Variants in HPSE2 observed in about 807,000 individuals in gnomAD.
HPSE2 encodes heparanase 2 (inactive).
HPSE2 carries 38 observed loss-of-function variants against 60.5 expected under a neutral mutation model. That is an observed-to-expected ratio of 0.63 (90% confidence interval 0.48 to 0.82). The LOEUF (loss-of-function observed/expected upper bound fraction) is 0.82. Among genes scored for constraint, HPSE2 ranks in the 40% least tolerant of loss-of-function variants. HPSE2 has a pLI of 0.00. For missense variants in HPSE2, 713 were observed against 740.4 expected, an observed-to-expected ratio of 0.96 and a Z score of 0.43; for synonymous variants, 295 against 293.2, an observed-to-expected ratio of 1.01 and a Z score of -0.06.
At position 98,459,926 on chromosome 10, in the gene HPSE2, AC is replaced by A. The variant is rs34700526; in HGVS notation, c.1614-188del. On this transcript the variant is annotated intron_variant, in intron 11 of 11. Coordinates refer to ENST00000370552, the MANE Select transcript of HPSE2 (RefSeq NM_021828.5). ...AATAACTCATTCAAACATCCCAACA[AC>A]CCCCCCACTCCCCTGAGGTAAGTAA... Among the ~76,000 whole-genome samples the A allele has an allele frequency of 0.53, 79,936 of 151,230 alleles. 21,414 individuals are homozygous for A. Among genetic ancestry groups the A allele is most frequent in the African/African-American group, 0.62 (25,418 of 41,140 alleles).
intron 5 of HPSE2, among the ~76,000 whole-genome samples, chr10:98,695,662 C>T (rs10786456): frequency 0.59 from 89,991 of 151,950 alleles, 27,182 homozygotes; most frequent in South Asian, 0.78. Context: ...ATGCCACCCC[C>T]CCTAGCAGCA....
intron 3 of HPSE2, among the ~76,000 whole-genome samples, chr10:98,942,975 G>A (rs372886359): frequency 3.7e-4 from 56 of 150,424 alleles, no homozygotes; most frequent in African/African-American, 1.2e-3. Context: ...GTAAACTATC[G>A]CAAGGACAAA....
At position 99,168,742 on chromosome 10, in the gene HPSE2, G is replaced by T. The variant is rs529244991; in HGVS notation, c.449-24343C>A. 3.2e-3 allele frequency among the ~76,000 whole-genome samples: 490 copies of T among 152,252 alleles called. 3 individuals are homozygous for T. Among genetic ancestry groups the T allele is most frequent in the African/African-American group, 0.011 (460 of 41,548 alleles). On this transcript the variant is annotated intron_variant, in intron 2 of 11. Coordinates refer to ENST00000370552, the MANE Select transcript of HPSE2 (RefSeq NM_021828.5). ...AACCTCAGTCCCCTCACAGTTCTTG[G>T]CATTATTGTGCTGGTTAGAATCTCT...
At chr10:99,265,159 C>T in the HPSE2 span, among the ~76,000 whole-genome samples, 2 of 152,188 alleles carry the variant, frequency 1.3e-5, no homozygotes, top group East Asian at 1.9e-4. Context: ...CTAACTGACA[C>T]GATATATTCT....
chr10:99,209,547 C>T (rs1404971870), intron 2 of HPSE2, among the ~76,000 whole-genome samples: 8 of 151,718 alleles, frequency 5.3e-5, no homozygotes, highest in Admixed American at 2.0e-4. Context: ...TTTTAAATAA[C>T]CTAACATTAT....
chr10:99,137,958 T>G (rs1027749014), intron 3 of HPSE2, among the ~76,000 whole-genome samples: 1 of 152,142 alleles, frequency 6.6e-6, no homozygotes, highest in Non-Finnish European at 1.5e-5. Flanking sequence ...ACAGGCAACC[T>G]ACAGAACGGG....
chr10:98,516,889 C>G (rs1425849478), intron 9 of HPSE2, among the ~76,000 whole-genome samples: 1 of 152,068 alleles, frequency 6.6e-6, no homozygotes, highest in East Asian at 1.9e-4. Flanking sequence ...AGAAAAGGAA[C>G]AGGCTGCCAA....
intron 3 of HPSE2, among the ~76,000 whole-genome samples, chr10:98,931,166 C>T (rs1166435407): frequency 6.9e-6 from 1 of 143,942 alleles, no homozygotes. Context: ...GGAAGAGATC[C>T]CATTTCAATT....
At chr10:98,649,555 C>T (rs1417024019) in intron 6 of HPSE2, among the ~76,000 whole-genome samples, 2 of 152,082 alleles carry the variant, frequency 1.3e-5, no homozygotes, top group African/African-American at 4.8e-5. Context: ...TTTTCAACTG[C>T]CTTTAGTCTT....
chr10:99,210,810 C>T (rs981124144), intron 2 of HPSE2, among the ~76,000 whole-genome samples: 4 of 152,080 alleles, frequency 2.6e-5, no homozygotes, highest in Non-Finnish European at 5.9e-5. Context: ...TCACAGCTAA[C>T]GTTATACTCA....
chr10:99,118,853 C>A lies in HPSE2; in HGVS notation c.610+25385G>T, dbSNP rs183750739. On this transcript the variant is annotated intron_variant, in intron 3 of 11. Transcript: ENST00000370552. ...CCAACATGATGAAACCCTGTCTCTA[C>A]GAAAAATACAAAAATTAGCTGGGCG... Among the ~76,000 whole-genome samples, 127 of 151,782 alleles carry A rather than the reference C, an allele frequency of 8.4e-4. 1 individual carries two copies. In the Middle Eastern group the frequency reaches 0.01, roughly 12 times the overall value.
At chr10:99,211,437 T>C (rs1403258328) in intron 2 of HPSE2, among the ~76,000 whole-genome samples, 2 of 151,966 alleles carry the variant, frequency 1.3e-5, no homozygotes, top group African/African-American at 4.8e-5. Flanking sequence ...GGCCTCACAC[T>C]ACCTGACTTC....
At position 99,167,352 on chromosome 10, in the gene HPSE2, G is replaced by C. The variant is rs1334231046; in HGVS notation, c.449-22953C>G. ...TCTAAAAACTTTTTGCTAATTCCAA[G>C]GTCACACAGATTTCTCCCTTTTCTT... On this transcript the variant is annotated intron_variant, in intron 2 of 11. Transcript: ENST00000370552. Among the ~76,000 whole-genome samples the C allele has an allele frequency of 2.6e-5, 4 of 152,122 alleles. No individual in the cohort carries two copies. In the East Asian group the frequency reaches 7.7e-4, roughly 29 times the overall value.
chr10:98,489,272 A>G (rs1023957022), intron 10 of HPSE2, among the ~76,000 whole-genome samples: 1 of 152,188 alleles, frequency 6.6e-6, no homozygotes, highest in African/African-American at 2.4e-5. Flanking sequence ...CCCACCCCTG[A>G]TTATAGTTTT....
chr10:98,530,345 G>C (rs1454429387), intron 9 of HPSE2, among the ~76,000 whole-genome samples: 1 of 152,146 alleles, frequency 6.6e-6, no homozygotes, highest in African/African-American at 2.4e-5. Context: ...CAGAGGGCTT[G>C]TTAAAACCAG....
chr10:98,997,735 C>T (rs1467371479), intron 3 of HPSE2, among the ~76,000 whole-genome samples: 2 of 152,180 alleles, frequency 1.3e-5, no homozygotes, highest in Non-Finnish European at 2.9e-5. Context: ...TTCATGCGCA[C>T]TAAAGTGCAG....
chr10:99,162,019 G>A (rs1008126511), intron 2 of HPSE2, among the ~76,000 whole-genome samples: 1 of 152,148 alleles, frequency 6.6e-6, no homozygotes, highest in Non-Finnish European at 1.5e-5. Context: ...GTTGACAGAG[G>A]CTGAGGAGAA....
chr10:99,020,829 A>C (rs1454755698), intron 3 of HPSE2, among the ~76,000 whole-genome samples: 1 of 152,172 alleles, frequency 6.6e-6, no homozygotes, highest in African/African-American at 2.4e-5. Flanking sequence ...TGATTTTCTA[A>C]AATCACCACC....
chr10:98,825,706 A>G (rs1451737480), intron 3 of HPSE2, among the ~76,000 whole-genome samples: 1 of 152,192 alleles, frequency 6.6e-6, no homozygotes, highest in African/African-American at 2.4e-5. Context: ...GATTGGCTCA[A>G]GCATGGGCAT....
Sources: allele counts gnomAD v4.1 joint callset (sites outside exome capture counted in the v4.1 genomes callset), GRCh38; gene constraint gnomAD v4.1.1; transcripts MANE v1.5; gene names NCBI Gene and HGNC (gene_info 2026-07-23, HGNC 2026-07-21).